SPMIP2: variants seen among roughly 807,000 people sequenced by gnomAD.
SPMIP2 encodes sperm microtubule inner protein 2.
the SPMIP2 span, among the ~76,000 whole-genome samples, chr4:159,077,655 T>C: frequency 1.3e-5 from 2 of 152,156 alleles, no homozygotes; most frequent in African/African-American, 4.8e-5. Context: ...TATTGAAAAA[T>C]TTCTTTCCTT....
At chr4:158,983,119 T>C in the SPMIP2 span, among the ~76,000 whole-genome samples, 3 of 151,886 alleles carry the variant, frequency 2.0e-5, no homozygotes, top group Non-Finnish European at 4.4e-5. Flanking sequence ...GAGAAAAGAA[T>C]AAAAGGAGAC....
At chr4:158,987,320 G>T in the SPMIP2 span, among the ~76,000 whole-genome samples, 1 of 152,094 alleles carries the variant, frequency 6.6e-6, no homozygotes, top group African/African-American at 2.4e-5. Flanking sequence ...CTGCTATAAA[G>T]ACACATGCAC....
At chr4:158,957,483 G>C in the SPMIP2 span, among the ~76,000 whole-genome samples, 1 of 152,088 alleles carries the variant, frequency 6.6e-6, no homozygotes, top group Admixed American at 6.6e-5. Flanking sequence ...CTGGAGTACA[G>C]TGATACCATC....
the SPMIP2 span, among the ~76,000 whole-genome samples, chr4:158,964,879 G>T: frequency 6.6e-6 from 1 of 152,118 alleles, no homozygotes; most frequent in Non-Finnish European, 1.5e-5. Flanking sequence ...CAGATCTCAC[G>T]AGAACTCACC....
At chr4:159,027,037 G>A in the SPMIP2 span, among the ~76,000 whole-genome samples, 32 of 151,626 alleles carry the variant, frequency 2.1e-4, no homozygotes, top group African/African-American at 7.5e-4. Flanking sequence ...ACTGTGTTGA[G>A]TTAGGTGACC....
chr4:158,899,213 G>A, the SPMIP2 span, among the ~76,000 whole-genome samples: 1 of 152,162 alleles, frequency 6.6e-6, no homozygotes, highest in Non-Finnish European at 1.5e-5. Context: ...GGATCGTGGT[G>A]GATAAGCTTT....
chr4:158,978,605 C>A, the SPMIP2 span, among the ~76,000 whole-genome samples: 9 of 152,256 alleles, frequency 5.9e-5, no homozygotes, highest in African/African-American at 2.2e-4. Context: ...TGCTCCTGTA[C>A]TGAGTGCATA....
At chr4:159,078,669 C>A in the SPMIP2 span, among the ~76,000 whole-genome samples, 3 of 152,150 alleles carry the variant, frequency 2.0e-5, no homozygotes, top group Non-Finnish European at 4.4e-5. Flanking sequence ...TAAGGAAAGA[C>A]ATGGGATTGT....
At chr4:158,919,852 T>G in the SPMIP2 span, among the ~76,000 whole-genome samples, 24 of 152,216 alleles carry the variant, frequency 1.6e-4, no homozygotes, top group Non-Finnish European at 2.5e-4. Context: ...GTCCCTGTCA[T>G]TCTTTATACA....
At chr4:158,913,377 C>A in the SPMIP2 span, among the ~76,000 whole-genome samples, 1 of 152,188 alleles carries the variant, frequency 6.6e-6, no homozygotes, top group Non-Finnish European at 1.5e-5. Flanking sequence ...CATGCACCAC[C>A]ACCCCTGCCT....
the SPMIP2 span, among the ~76,000 whole-genome samples, chr4:158,925,434 C>T: frequency 3.9e-5 from 6 of 152,208 alleles, no homozygotes; most frequent in South Asian, 2.1e-4. Context: ...ATTTCTTAGT[C>T]GGTATCTTAG....
chr4:158,985,852 T>G, the SPMIP2 span, among the ~76,000 whole-genome samples: 2 of 152,094 alleles, frequency 1.3e-5, no homozygotes. Context: ...TTGTCCCTGT[T>G]TGCAGATGAC....
chr4:158,977,069 G>A, the SPMIP2 span, among the ~76,000 whole-genome samples: 1 of 152,056 alleles, frequency 6.6e-6, no homozygotes, highest in Non-Finnish European at 1.5e-5. Flanking sequence ...TTTTTGTTGT[G>A]TCTCTGCCAG....
chr4:158,918,644 T>C, the SPMIP2 span, among the ~76,000 whole-genome samples: 1 of 152,208 alleles, frequency 6.6e-6, no homozygotes, highest in Non-Finnish European at 1.5e-5. Context: ...TCCCTGAAAT[T>C]GGGAACACCA....
the SPMIP2 span, among the ~76,000 whole-genome samples, chr4:158,936,131 C>G: frequency 3.3e-5 from 5 of 152,320 alleles, no homozygotes; most frequent in East Asian, 9.6e-4. Context: ...TTATATTCTT[C>G]TCTTTGGCAT....
At chr4:158,935,565 A>T in the SPMIP2 span, among the ~76,000 whole-genome samples, 26 of 152,022 alleles carry the variant, frequency 1.7e-4, no homozygotes, top group African/African-American at 6.0e-4. Flanking sequence ...TAATGATACA[A>T]AAAAAAAGTG....
the SPMIP2 span, among the ~76,000 whole-genome samples, chr4:159,060,696 C>A: frequency 6.6e-6 from 1 of 152,160 alleles, no homozygotes; most frequent in African/African-American, 2.4e-5. Flanking sequence ...TAATCCTGTA[C>A]AGAGCAAACT....
the SPMIP2 span, among the ~76,000 whole-genome samples, chr4:158,900,855 A>G: frequency 1.1e-4 from 16 of 152,264 alleles, no homozygotes; most frequent in Middle Eastern, 3.4e-3. Flanking sequence ...ATATTGTTAT[A>G]TGTGAATGTG....
the SPMIP2 span, among the ~76,000 whole-genome samples, chr4:158,964,167 CA>C: frequency 2.3e-3 from 118 of 52,230 alleles, 1 homozygote; most frequent in African/African-American, 4.7e-3. Context: ...CAAAACAAAA[CA>C]AAACAAAACA....
Sources: allele counts gnomAD v4.1 joint callset (sites outside exome capture counted in the v4.1 genomes callset), GRCh38; gene constraint gnomAD v4.1.1; transcripts MANE v1.5; gene names NCBI Gene and HGNC (gene_info 2026-07-23, HGNC 2026-07-21).